Variants in ANKFN1 observed in about 807,000 individuals in gnomAD.
ANKFN1 encodes the protein ankyrin repeat and fibronectin type-III domain-containing protein 1.
In ANKFN1, 74 loss-of-function variants were observed where a neutral mutation model predicts 108.7. The ratio of observed to expected loss-of-function variants is 0.68; its 90% CI spans 0.56 to 0.83. The LOEUF is 0.83. Ranked by LOEUF, ANKFN1 falls within the 40% of genes least tolerant of loss-of-function variation. ANKFN1 has a pLI of 0.00. For missense variants in ANKFN1, 1,505 were observed against 1,382.3 expected (o/e 1.09, Z -1.41); for synonymous variants, 547 against 516.2 (o/e 1.06, Z -0.81).
In ANKFN1 at chr17:56,249,255, G is replaced by A. The variant is rs531906758; in HGVS notation, c.53+21298G>A. Among the ~76,000 whole-genome samples, 9 of 152,148 alleles carry A rather than the reference G, an allele frequency of 5.9e-5. No homozygotes were observed. The East Asian group carries it at 1.6e-3, about 26-fold the overall frequency. ...TTCGAGACCAGCCTGGCAACATGGT[G>A]AAACTTCATCTCTACTAAAAGCACA... On this transcript the variant is annotated intron_variant, in intron 3 of 20. Coordinates refer to ENST00000682825, the MANE Select transcript of ANKFN1 (RefSeq NM_001370326.1).
intron 4 of ANKFN1, among the ~76,000 whole-genome samples, chr17:56,071,093 A>G (rs1353159251): frequency 6.6e-6 from 1 of 152,052 alleles, no homozygotes; most frequent in East Asian, 1.9e-4. Context: ...AGTATGCTCT[A>G]ACCTTAAACA....
intron 20 of ANKFN1, among the ~76,000 whole-genome samples, chr17:56,510,005 A>G (rs1451964728): frequency 6.6e-6 from 1 of 152,224 alleles, no homozygotes; most frequent in African/African-American, 2.4e-5. Flanking sequence ...CAGGTTTACC[A>G]ACTTCCACCA....
chr17:56,285,529 G>C (rs1028485186), intron 3 of ANKFN1, among the ~76,000 whole-genome samples: 1 of 152,092 alleles, frequency 6.6e-6, no homozygotes, highest in Non-Finnish European at 1.5e-5. Context: ...CACCCTCTCA[G>C]TTAAGACACT....
At chr17:56,148,094 G>T (rs746278636) in intron 4 of ANKFN1, among the ~76,000 whole-genome samples, 3 of 152,182 alleles carry the variant, frequency 2.0e-5, no homozygotes, top group Admixed American at 1.3e-4. Context: ...AACCAAGTCT[G>T]TCTAACTCAA....
chr17:56,117,471 C>T (rs1906352370), intron 4 of ANKFN1, among the ~76,000 whole-genome samples: 1 of 152,222 alleles, frequency 6.6e-6, no homozygotes, highest in East Asian at 1.9e-4. Flanking sequence ...GGATGGGCCA[C>T]AAAAATACTA....
chr17:56,159,188 C>T (rs1909408482), intron 1 of ANKFN1, among the ~76,000 whole-genome samples: 1 of 152,164 alleles, frequency 6.6e-6, no homozygotes, highest in African/African-American at 2.4e-5. Context: ...TGAAAGTCAT[C>T]ATTCTGCATT....
At chr17:56,507,739 C>T (rs542572250) in intron 20 of ANKFN1, among the ~76,000 whole-genome samples, 7 of 152,240 alleles carry the variant, frequency 4.6e-5, no homozygotes, top group Non-Finnish European at 8.8e-5. Flanking sequence ...CCTATACACT[C>T]GCTTCTCCCA....
At chr17:56,292,261 A>G (rs1481096705) in intron 3 of ANKFN1, among the ~76,000 whole-genome samples, 1 of 152,200 alleles carries the variant, frequency 6.6e-6, no homozygotes, top group Non-Finnish European at 1.5e-5. Flanking sequence ...CTCAGAGGTT[A>G]AGGATCTAAC....
intron 3 of ANKFN1, among the ~76,000 whole-genome samples, chr17:56,310,960 A>G (rs368241319): frequency 4.0e-5 from 6 of 151,578 alleles, no homozygotes; most frequent in African/African-American, 1.5e-4. Context: ...CCACCATTCT[A>G]CTCTCTGCTT....
At chr17:56,288,749 A>G (rs576904657) in intron 3 of ANKFN1, among the ~76,000 whole-genome samples, 1 of 152,278 alleles carries the variant, frequency 6.6e-6, no homozygotes, top group Admixed American at 6.5e-5. Flanking sequence ...AGACTCCCCA[A>G]AAAGGTCCGG....
chr17:56,174,423 G>A, intron 1 of ANKFN1: 1 of 985,032 alleles, frequency 1.0e-6, no homozygotes, highest in South Asian at 4.7e-5. Flanking sequence ...AATCTTCCAA[G>A]CAGTGATCTT....
intron 18 of ANKFN1, 39 bp downstream of exon 18, chr17:56,482,563 C>T (rs745356888): frequency 6.7e-5 from 107 of 1,595,478 alleles, no homozygotes; most frequent in Non-Finnish European, 9.0e-5. Flanking sequence ...TTAACCCAGC[C>T]TCCTTATAAT....
At chr17:56,335,536 G>C (rs2045783335) in intron 4 of ANKFN1, among the ~76,000 whole-genome samples, 3 of 152,156 alleles carry the variant, frequency 2.0e-5, no homozygotes, top group African/African-American at 7.2e-5. Context: ...TGGTGTATAG[G>C]AATGCTTGTG....
chr17:56,372,561 C>G, intron 6 of ANKFN1, 85 bp from the exon 7 acceptor site: 1 of 1,009,312 alleles, frequency 9.9e-7, no homozygotes, highest in Non-Finnish European at 1.4e-6. Context: ...TTTTTCAAAT[C>G]ATAGTAAACT....
chr17:56,082,217 A>T (rs1453644512), intron 4 of ANKFN1, among the ~76,000 whole-genome samples: 1 of 152,162 alleles, frequency 6.6e-6, no homozygotes, highest in East Asian at 1.9e-4. Flanking sequence ...ACCTCAGTTC[A>T]TCTTCCCCTC....
intron 4 of ANKFN1, among the ~76,000 whole-genome samples, chr17:56,147,727 A>G (rs1228151121): frequency 1.3e-5 from 2 of 152,200 alleles, no homozygotes; most frequent in African/African-American, 4.8e-5. Flanking sequence ...TCATTTTTCA[A>G]GAAATCTTCA....
chr17:56,227,378 A>G (rs143925528), intron 2 of ANKFN1, among the ~76,000 whole-genome samples: 1 of 152,264 alleles, frequency 6.6e-6, no homozygotes, highest in African/African-American at 2.4e-5. Flanking sequence ...ATTGGTTTCA[A>G]TCCCCCTCCT....
At chr17:56,350,729 G>A (rs1285622091) in intron 4 of ANKFN1, 37 bp from the exon 5 acceptor site, 1 of 1,400,138 alleles carries the variant, frequency 7.1e-7, no homozygotes, top group East Asian at 2.3e-5. Context: ...ATAATTTGTG[G>A]TGTAAAAGAT....
chr17:56,403,440 C>T (rs2047823370), intron 8 of ANKFN1, among the ~76,000 whole-genome samples: 1 of 151,850 alleles, frequency 6.6e-6, no homozygotes, highest in African/African-American at 2.4e-5. Context: ...GGTCTTTTAC[C>T]ATTATATAAT....
Sources: gnomAD v4.1 joint callset for allele counts (sites outside exome capture counted in the v4.1 genomes callset) on GRCh38, gnomAD v4.1.1 for gene constraint, MANE v1.5 for transcripts, NCBI Gene and HGNC (gene_info 2026-07-23, HGNC 2026-07-21) for gene names.